Variants in PPP2R5E observed in about 807,000 individuals in gnomAD.
PPP2R5E encodes protein phosphatase 2 regulatory subunit B'epsilon.
In PPP2R5E, 4 loss-of-function variants were observed where a neutral mutation model predicts 65.3. The observed-to-expected ratio is 0.06, with a 90% CI of 0.03 to 0.14. The LOEUF (loss-of-function observed/expected upper bound fraction) is 0.14, where lower values mean the gene tolerates loss of function less well. PPP2R5E is among the 10% of genes least tolerant of loss of function. The pLI is 1.00. For missense variants in PPP2R5E, 274 were observed against 556.1 expected (o/e 0.49, Z 5.10); for synonymous variants, 183 against 187.4 (o/e 0.98, Z 0.19).
chr14:63,522,838 C>T (rs1189293975), intron 2 of PPP2R5E, among the ~76,000 whole-genome samples: 4 of 151,262 alleles, frequency 2.6e-5, no homozygotes, highest in South Asian at 2.1e-4. Context: ...CCAGGCCAGC[C>T]GCCCCGTCCA....
intron 2 of PPP2R5E, among the ~76,000 whole-genome samples, chr14:63,461,391 A>C (rs539282650): frequency 1.6e-3 from 242 of 152,324 alleles, no homozygotes; most frequent in African/African-American, 5.6e-3. Flanking sequence ...AAGGCATTAA[A>C]AACATAGCCA....
intron 2 of PPP2R5E, among the ~76,000 whole-genome samples, chr14:63,490,198 A>G (rs1334311557): frequency 6.6e-6 from 1 of 152,148 alleles, no homozygotes; most frequent in Non-Finnish European, 1.5e-5. Context: ...TACCTAGTCA[A>G]TAAATGGTGC....
intron 2 of PPP2R5E, among the ~76,000 whole-genome samples, chr14:63,465,450 CAAAAAAA>C (rs1171345415): frequency 4.2e-5 from 2 of 47,384 alleles, no homozygotes; most frequent in African/African-American, 7.7e-5. Flanking sequence ...TCCACCTCTA[CAAAAAAA>C]AAAAAAAAAA....
In PPP2R5E at chr14:63,376,113, G is replaced by A. The variant is rs569203147; in HGVS notation, c.1305-5C>T. On this transcript the variant is annotated splice_polypyrimidine_tract_variant and splice_region_variant and intron_variant, in intron 13 of 13. Coordinates refer to ENST00000337537, the MANE Select transcript of PPP2R5E (RefSeq NM_006246.5). ...TCCTTTTCTTTCTTTTTCTCACTGA[G>A]GAAGAAACAGAATACAATGTAAACA... is the stretch of plus-strand genomic sequence containing the variant. 3.8e-5 allele frequency: 60 copies of A among 1,565,030 alleles called. 1 individual carries two copies. The highest frequency in any genetic ancestry group is 1.7e-4 in the Middle Eastern group (1 of 5,966).
chr14:63,407,448 T>C (rs1243037159), intron 5 of PPP2R5E, among the ~76,000 whole-genome samples: 1 of 152,198 alleles, frequency 6.6e-6, no homozygotes, highest in Non-Finnish European at 1.5e-5. Flanking sequence ...GGAAGGCTAA[T>C]GCACAAAATC....
intron 13 of PPP2R5E, among the ~76,000 whole-genome samples, chr14:63,376,453 AT>A (rs60540080): frequency 0.17 from 26,209 of 152,106 alleles, 3,355 homozygotes; most frequent in East Asian, 0.48. Context: ...CACCTCATGC[AT>A]ATTTAAATTC....
chr14:63,528,906 G>T (rs1045406697), intron 2 of PPP2R5E, among the ~76,000 whole-genome samples: 23 of 152,120 alleles, frequency 1.5e-4, no homozygotes, highest in African/African-American at 5.6e-4. Flanking sequence ...TTTCTACACA[G>T]AAGATCATAT....
chr14:63,536,905 C>T (rs1226271374), intron 2 of PPP2R5E, among the ~76,000 whole-genome samples: 1 of 152,138 alleles, frequency 6.6e-6, no homozygotes, highest in Admixed American at 6.5e-5. Flanking sequence ...AGGTACAGAG[C>T]TTCAGTTGGG....
chr14:63,454,849 T>G (rs1020983730), intron 2 of PPP2R5E, among the ~76,000 whole-genome samples: 4 of 152,162 alleles, frequency 2.6e-5, no homozygotes, highest in African/African-American at 9.7e-5. Context: ...TCCAAGGTGA[T>G]TAGCTCATTA....
chr14:63,415,717 CTGTAAGTAGTCCATTA>C (rs1886650402), intron 4 of PPP2R5E, among the ~76,000 whole-genome samples: 1 of 152,098 alleles, frequency 6.6e-6, no homozygotes, highest in Non-Finnish European at 1.5e-5. Context: ...TTCTTAGTAG[CTGTAAGTAGTCCATTA>C]TAATTTATAA....
intron 2 of PPP2R5E, among the ~76,000 whole-genome samples, chr14:63,489,011 A>C (rs1891150793): frequency 6.6e-6 from 1 of 152,104 alleles, no homozygotes; most frequent in Non-Finnish European, 1.5e-5. Context: ...CAGATGAAGA[A>C]ATGGAAACCC....
intron 2 of PPP2R5E, among the ~76,000 whole-genome samples, chr14:63,481,495 CAAAAAAAAAAA>C (rs59764365): frequency 9.7e-5 from 9 of 93,082 alleles, no homozygotes; most frequent in Non-Finnish European, 1.1e-4. Flanking sequence ...GACTCCATCT[CAAAAAAAAAAA>C]AAAAAAAAAA....
At chr14:63,450,714 C>G (rs756295991) in intron 3 of PPP2R5E, among the ~76,000 whole-genome samples, 3 of 150,658 alleles carry the variant, frequency 2.0e-5, no homozygotes, top group Non-Finnish European at 4.4e-5. Flanking sequence ...GTGCAGGACA[C>G]AGTTCCTTCT....
At chr14:63,406,073 A>G (rs916390748) in intron 5 of PPP2R5E, among the ~76,000 whole-genome samples, 1 of 152,226 alleles carries the variant, frequency 6.6e-6, no homozygotes, top group African/African-American at 2.4e-5. Context: ...ATAAAAAACA[A>G]CAAAACCCTT....
At position 63,523,717 on chromosome 14, in the gene PPP2R5E, T is replaced by TAA. The variant is rs200827747; in HGVS notation, c.157+15810_157+15811dup. 8.1e-3 allele frequency among the ~76,000 whole-genome samples: 958 copies of TAA among 118,292 alleles called. 52 individuals carry two copies. The East Asian group carries it at 0.16, about 19-fold the overall frequency. The allele number at this position is 118,292 out of a possible 152,430, so 77.6% of individuals were successfully genotyped here. A position where few individuals can be genotyped will look rare whatever the true frequency, so the allele number is the denominator to read the frequency against. On this transcript the variant is annotated intron_variant, in intron 2 of 13. Transcript: ENST00000337537. ...CAAGAATGATCAAAAATAAATAAAT[T>TAA]AAAAAAAAAAACAAAGGTTACACGC...
intron 2 of PPP2R5E, among the ~76,000 whole-genome samples, chr14:63,517,286 A>G (rs1462509709): frequency 6.6e-6 from 1 of 152,222 alleles, no homozygotes; most frequent in East Asian, 1.9e-4. Context: ...ACACAAATGA[A>G]AAAGAATATT....
At chr14:63,535,456 C>G (rs1409691217) in intron 2 of PPP2R5E, among the ~76,000 whole-genome samples, 1 of 152,006 alleles carries the variant, frequency 6.6e-6, no homozygotes, top group Admixed American at 6.6e-5. Context: ...CAAAAACTTT[C>G]CCTTCACATT....
intron 3 of PPP2R5E, chr14:63,452,743 T>C (rs963305129): frequency 1.1e-4 from 17 of 152,238 alleles, no homozygotes; most frequent in African/African-American, 4.1e-4. Context: ...ATCTGAACTA[T>C]CATTTTTAAA....
chr14:63,528,389 A>G (rs2139749260), intron 2 of PPP2R5E, among the ~76,000 whole-genome samples: 1 of 152,366 alleles, frequency 6.6e-6, no homozygotes, highest in East Asian at 1.9e-4. Context: ...TACGCAGAAC[A>G]GAGGGATTTC....
Sources: gnomAD v4.1 joint callset for allele counts (sites outside exome capture counted in the v4.1 genomes callset) on GRCh38, gnomAD v4.1.1 for gene constraint, MANE v1.5 for transcripts, NCBI Gene and HGNC (gene_info 2026-07-23, HGNC 2026-07-21) for gene names.